Variants in EIF4G3 observed in about 807,000 individuals in gnomAD.
EIF4G3 encodes the protein eIF-4-gamma 3.
Under a neutral mutation model 186.4 loss-of-function variants are expected in EIF4G3, and 34 were observed. That is an observed-to-expected ratio of 0.18 (90% CI 0.14 to 0.24). The LOEUF (loss-of-function observed/expected upper bound fraction) is 0.24. Ranked by LOEUF, EIF4G3 falls within the 10% of genes least tolerant of loss-of-function variation. The pLI, the probability that EIF4G3 is intolerant of heterozygous loss-of-function variation, is 1.00. For synonymous variants in EIF4G3, 673 were observed against 679.5 expected, an observed-to-expected ratio of 0.99 and a Z score of 0.15; for missense variants, 1,536 against 1,948.5, an observed-to-expected ratio of 0.79 and a Z score of 3.99.
At chr1:21,155,858 G>A (rs2097649961) in intron 2 of EIF4G3, among the ~76,000 whole-genome samples, 1 of 152,154 alleles carries the variant, frequency 6.6e-6, no homozygotes, top group Admixed American at 6.5e-5. Context: ...CGGGTGCAGT[G>A]GCTCAGGCCT....
At chr1:20,837,628 A>G (rs1351498708) in intron 30 of EIF4G3, among the ~76,000 whole-genome samples, 5 of 152,228 alleles carry the variant, frequency 3.3e-5, no homozygotes, top group African/African-American at 1.2e-4. Flanking sequence ...CTGATCTCAG[A>G]GGCTCTTCCA....
At chr1:21,137,148 CT>C (rs35273908) in intron 2 of EIF4G3, among the ~76,000 whole-genome samples, 67 of 142,500 alleles carry the variant, frequency 4.7e-4, no homozygotes, top group East Asian at 4.0e-4. Flanking sequence ...TTTGTTTTTC[CT>C]TTTTTTTTTT....
chr1:20,957,222 T>C (rs2096453897), intron 12 of EIF4G3, among the ~76,000 whole-genome samples: 1 of 152,218 alleles, frequency 6.6e-6, no homozygotes, highest in South Asian at 2.1e-4. Context: ...ATTTTTAAAG[T>C]TCTTGGGGGC....
At chr1:21,027,507 G>A (rs1049417425) in intron 4 of EIF4G3, among the ~76,000 whole-genome samples, 2 of 151,888 alleles carry the variant, frequency 1.3e-5, no homozygotes, top group African/African-American at 2.4e-5. Flanking sequence ...GCACGGGCCT[G>A]TAGTCCCAGA....
At chr1:21,036,834 T>C (rs2093245997) in intron 4 of EIF4G3, among the ~76,000 whole-genome samples, 1 of 152,098 alleles carries the variant, frequency 6.6e-6, no homozygotes, top group East Asian at 1.9e-4. Flanking sequence ...TGAGCCAAGA[T>C]CGTGCCACTG....
intron 2 of EIF4G3, among the ~76,000 whole-genome samples, chr1:21,145,334 CA>C (rs56373332): frequency 1.3e-5 from 2 of 151,150 alleles, no homozygotes; most frequent in African/African-American, 4.9e-5. Context: ...AACAAACAAA[CA>C]AAAAAAACCC....
chr1:20,898,795 A>G (rs1013687792), intron 16 of EIF4G3, among the ~76,000 whole-genome samples: 2 of 152,096 alleles, frequency 1.3e-5, no homozygotes, highest in Admixed American at 6.6e-5. Context: ...CAATGGTACA[A>G]TCTTGGCTCA....
At chr1:20,857,522 C>T in intron 24 of EIF4G3, 25 bp from the exon 25 acceptor site, 1 of 1,574,646 alleles carries the variant, frequency 6.4e-7, no homozygotes, top group Non-Finnish European at 8.7e-7. Context: ...GAGTGGGAGT[C>T]TCTCATCTGT....
At chr1:21,107,352 AT>A (rs1394376723) in intron 2 of EIF4G3, among the ~76,000 whole-genome samples, 1 of 150,874 alleles carries the variant, frequency 6.6e-6, no homozygotes, top group African/African-American at 2.4e-5. Context: ...ATTTTTTTGT[AT>A]TTTTAGTAAA....
chr1:21,094,912 A>G (rs1358608152), intron 2 of EIF4G3, among the ~76,000 whole-genome samples: 1 of 152,060 alleles, frequency 6.6e-6, no homozygotes. Context: ...CCACTAAGAA[A>G]GCTGTGATGA....
At chr1:21,152,069 T>C in intron 2 of EIF4G3, among the ~76,000 whole-genome samples, 1 of 152,026 alleles carries the variant, frequency 6.6e-6, no homozygotes, top group East Asian at 1.9e-4. Context: ...AATGGAGGGA[T>C]TAAAAGGCTC....
intron 20 of EIF4G3, among the ~76,000 whole-genome samples, chr1:20,876,667 T>C (rs2080970720): frequency 6.6e-6 from 1 of 152,156 alleles, no homozygotes; most frequent in Non-Finnish European, 1.5e-5. Flanking sequence ...ACTATACCAT[T>C]TGACTTGTTC....
chr1:21,060,915 C>G (rs953663978), intron 3 of EIF4G3, among the ~76,000 whole-genome samples: 1 of 151,884 alleles, frequency 6.6e-6, no homozygotes, highest in South Asian at 2.1e-4. Flanking sequence ...CTGATTGATT[C>G]ATTCATTCAT....
chr1:21,129,186 G>A (rs2097106117), intron 2 of EIF4G3, among the ~76,000 whole-genome samples: 1 of 151,960 alleles, frequency 6.6e-6, no homozygotes, highest in Non-Finnish European at 1.5e-5. Context: ...GTGGTGGCGG[G>A]TGCCTGTAAT....
At chr1:21,113,146 CAAAAAAAAAAAAAAAA>C (rs5772939) in intron 2 of EIF4G3, among the ~76,000 whole-genome samples, 1 of 51,464 alleles carries the variant, frequency 1.9e-5, no homozygotes, top group Admixed American at 3.2e-4. Context: ...GGCCCTATCT[CAAAAAAAAAAAAAAAA>C]AAAAAAAAAA....
intron 28 of EIF4G3, among the ~76,000 whole-genome samples, chr1:20,849,948 T>A (rs544622000): frequency 6.6e-6 from 1 of 152,132 alleles, no homozygotes; most frequent in South Asian, 2.1e-4. Flanking sequence ...CTCACAGTAA[T>A]CCTGTCTGGA....
intron 30 of EIF4G3, among the ~76,000 whole-genome samples, chr1:20,831,772 C>A (rs1251177834): frequency 1.5e-5 from 2 of 135,644 alleles, no homozygotes; most frequent in Admixed American, 7.9e-5. Flanking sequence ...CCCGACCCCA[C>A]AACAGTCCCC....
chr1:20,937,649 A>G (rs1399101094), intron 14 of EIF4G3, among the ~76,000 whole-genome samples: 1 of 152,236 alleles, frequency 6.6e-6, no homozygotes, highest in Non-Finnish European at 1.5e-5. Context: ...AATAAAATAA[A>G]AAAGTCACAA....
chr1:20,919,884 T>G (rs2094333804), intron 14 of EIF4G3, among the ~76,000 whole-genome samples: 2 of 151,724 alleles, frequency 1.3e-5, no homozygotes, highest in South Asian at 4.2e-4. Context: ...TCTCTTGTGA[T>G]GACTTCAGTT....
Sources: gnomAD v4.1 joint callset for allele counts (sites outside exome capture counted in the v4.1 genomes callset) on GRCh38, gnomAD v4.1.1 for gene constraint, MANE v1.5 for transcripts, NCBI Gene and HGNC (gene_info 2026-07-23, HGNC 2026-07-21) for gene names.